Variants in ARMC2 observed in about 807,000 individuals in gnomAD.
ARMC2 encodes the protein armadillo repeat containing 2.
A neutral mutation model predicts 90.3 loss-of-function variants in ARMC2; 67 were observed. The ratio of observed to expected loss-of-function variants is 0.74; its 90% CI spans 0.61 to 0.91. The LOEUF is 0.91. ARMC2 is among the 40% of genes least tolerant of loss of function. ARMC2 has a pLI of 0.00. For missense variants in ARMC2, 920 were observed against 1,030.9 expected, an observed-to-expected ratio of 0.89 and a Z score of 1.47; for synonymous variants, 393 against 393.0, an observed-to-expected ratio of 1.00 and a Z score of 0.00.
chr6:108,894,110 A>G (rs985936270), intron 5 of ARMC2, among the ~76,000 whole-genome samples: 7 of 151,922 alleles, frequency 4.6e-5, no homozygotes, highest in African/African-American at 1.7e-4. Flanking sequence ...GCTCACTCCT[A>G]TAATACTAGC....
Position 108,854,467 on chromosome 6 carries a change from G to A in ARMC2, c.200G>A (p.Arg67Lys). The A allele has an allele frequency of 6.2e-7, 1 of 1,613,594 alleles. No homozygotes were observed. Among genetic ancestry groups the A allele is most frequent in the Non-Finnish European group, 8.5e-7 (1 of 1,179,746 alleles). ...GCATCCTCAAGAACATCAGAAAATA[G>A]ACCTCCTTCCTCCTTCAGGTATATG... is the stretch of plus-strand genomic sequence containing the variant. The part of the protein sequence containing the change: ...GPASSRTSEN[R>K]PPSSFSLHAS... The change falls in exon 2 of 18, where the codon AGA (arginine) becomes AAA (lysine). Residue 67 changes from arginine to lysine, a missense_variant. Physicochemically the swap from Arg to Lys is conservative, Grantham distance 26. Transcript: ENST00000392644.
Position 108,899,713 on chromosome 6 carries a change from A to G in ARMC2, c.768A>G (p.Gln256=), listed in dbSNP as rs1343470686. The G allele has an allele frequency of 1.2e-6, 2 of 1,613,566 alleles. No homozygotes were observed. Among genetic ancestry groups the G allele is most frequent in the Admixed American group, 3.3e-5 (2 of 59,966 alleles). ...QTKAVPKADL[Q]EEDAEIEVDE... Reference sequence around the variant, plus strand: ...TTGCAGTCCCAAAAGCTGACCTGCAAGAAGAGGACGCAGAAATAGAAGTAG... The same window carrying G: ...TTGCAGTCCCAAAAGCTGACCTGCAGGAAGAGGACGCAGAAATAGAAGTAG... Residue 256 remains glutamine, a synonymous_variant, in exon 7 of 18, where the codon CAA becomes CAG. Transcript: ENST00000392644.
In ARMC2 at chr6:108,974,446, TG is replaced by T. The variant is rs1778940155; in HGVS notation, c.*934del. On this transcript the variant is annotated 3_prime_UTR_variant, in exon 18 of 18. Transcript: ENST00000392644. ...CTTGCCATCCTTTGTAGGATGAGTTTGGCCTTTGAATAAATGATTAAAGAGC... is the reference window on the plus strand; with the variant it reads ...CTTGCCATCCTTTGTAGGATGAGTTTGCCTTTGAATAAATGATTAAAGAGC... The T allele has an allele frequency of 6.6e-6, 1 of 152,260 alleles. No individual in the cohort carries two copies. Among genetic ancestry groups the T allele is most frequent in the African/African-American group, 2.4e-5 (1 of 41,470 alleles). 9.4% of individuals were successfully genotyped at this position (152,260 alleles called of 1,614,324 possible). A position where few individuals can be genotyped will look rare whatever the true frequency, so the allele number is the denominator to read the frequency against.
intron 10 of ARMC2, among the ~76,000 whole-genome samples, chr6:108,919,154 T>G (rs1774287732): frequency 6.6e-6 from 1 of 152,112 alleles, no homozygotes; most frequent in South Asian, 2.1e-4. Context: ...AACTGAAGTC[T>G]GGGGATTTGA....
At chr6:108,850,595 A>T (rs1157201995) in intron 1 of ARMC2, among the ~76,000 whole-genome samples, 1 of 152,192 alleles carries the variant, frequency 6.6e-6, no homozygotes, top group Non-Finnish European at 1.5e-5. Context: ...GCTAAATCTG[A>T]ACTCATCTGA....
chr6:108,921,612 T>C (rs1281918124), intron 10 of ARMC2, among the ~76,000 whole-genome samples: 1 of 152,194 alleles, frequency 6.6e-6, no homozygotes, highest in African/African-American at 2.4e-5. Flanking sequence ...ATATGAAACT[T>C]CTTGGGTTAC....
At chr6:108,885,342 C>T (rs1243778343) in intron 5 of ARMC2, among the ~76,000 whole-genome samples, 1 of 151,876 alleles carries the variant, frequency 6.6e-6, no homozygotes, top group African/African-American at 2.4e-5. Flanking sequence ...CCTTTAAAAC[C>T]ATGTCCTTTA....
chr6:108,857,264 C>T (rs967689571), intron 2 of ARMC2, among the ~76,000 whole-genome samples: 1 of 152,180 alleles, frequency 6.6e-6, no homozygotes. Flanking sequence ...TAGCTTTCCT[C>T]ATCTAGATTT....
the ARMC2 span, chr6:108,998,497 G>T: frequency 6.2e-7 from 1 of 1,612,706 alleles, no homozygotes; most frequent in South Asian, 1.1e-5. Flanking sequence ...ACAATCTCAT[G>T]ACAAATAATA....
chr6:108,912,478 A>T lies in ARMC2; in HGVS notation c.1270A>T (p.Ile424Leu), dbSNP rs1238407662. ...CAGCAAAGGTGCTGTGGAAATACTG[A>T]TAAATTTGATAAAACAAATAAATGA... ...MISKGAVEIL[I>L]NLIKQINENI... The change falls in exon 10 of 18, where the codon ATA becomes TTA. Residue 424 changes from isoleucine to leucine, a missense_variant. Physicochemically the swap from Ile to Leu is conservative, Grantham distance 5 (BLOSUM62 2). Transcript: ENST00000392644. The T allele has an allele frequency of 1.2e-6, 2 of 1,614,006 alleles. No homozygotes were observed. Among genetic ancestry groups the T allele is most frequent in the Admixed American group, 3.3e-5 (2 of 60,018 alleles).
At chr6:108,937,917 T>C (rs188136169) in intron 12 of ARMC2, among the ~76,000 whole-genome samples, 1 of 152,214 alleles carries the variant, frequency 6.6e-6, no homozygotes, top group Admixed American at 6.5e-5. Flanking sequence ...AGGATGGTCT[T>C]GATCTCCTGA....
At chr6:108,870,728 C>A (rs1205382637) in intron 4 of ARMC2, among the ~76,000 whole-genome samples, 2 of 152,170 alleles carry the variant, frequency 1.3e-5, no homozygotes, top group Non-Finnish European at 2.9e-5. Context: ...GATCATCAGG[C>A]AACTTGCTTT....
At chr6:109,021,146 C>A in the ARMC2 span, among the ~76,000 whole-genome samples, 1 of 151,982 alleles carries the variant, frequency 6.6e-6, no homozygotes. Context: ...GGCATGCCAC[C>A]ATGACTGTCT....
At chr6:108,902,080 C>T (rs1317250778) in intron 7 of ARMC2, among the ~76,000 whole-genome samples, 1 of 152,160 alleles carries the variant, frequency 6.6e-6, no homozygotes, top group Non-Finnish European at 1.5e-5. Context: ...CAGCTGTACC[C>T]ACTGTCAGGT....
intron 4 of ARMC2, among the ~76,000 whole-genome samples, chr6:108,871,274 A>G (rs1333394270): frequency 6.6e-6 from 1 of 152,112 alleles, no homozygotes; most frequent in Non-Finnish European, 1.5e-5. Flanking sequence ...CTTGTAGTGA[A>G]AAGATAGGGT....
At chr6:108,936,523 T>C (rs1775975315) in intron 11 of ARMC2, among the ~76,000 whole-genome samples, 2 of 152,232 alleles carry the variant, frequency 1.3e-5, no homozygotes, top group South Asian at 4.1e-4. Context: ...CCCAAAGTGC[T>C]GGGATTACAG....
At chr6:108,983,743 T>C in the ARMC2 span, among the ~76,000 whole-genome samples, 1 of 152,262 alleles carries the variant, frequency 6.6e-6, no homozygotes, top group African/African-American at 2.4e-5. Context: ...AGATTCTAGA[T>C]GAATTTTGGC....
the ARMC2 span, among the ~76,000 whole-genome samples, chr6:109,022,354 G>A: frequency 7.7e-5 from 11 of 143,718 alleles, no homozygotes; most frequent in East Asian, 4.5e-4. Context: ...TACTAGTTTC[G>A]ATTTGATATT....
the ARMC2 span, chr6:109,002,312 C>T: frequency 6.2e-7 from 1 of 1,613,420 alleles, no homozygotes; most frequent in Non-Finnish European, 8.5e-7. Context: ...TGGTCCCTGT[C>T]CTAGTGGTCG....
Sources: gnomAD v4.1 joint callset for allele counts (sites outside exome capture counted in the v4.1 genomes callset) on GRCh38, gnomAD v4.1.1 for gene constraint, MANE v1.5 for transcripts, NCBI Gene and HGNC (gene_info 2026-07-23, HGNC 2026-07-21) for gene names.